FBN2: variants seen among roughly 807,000 people sequenced by gnomAD.
The protein encoded by FBN2 is fibrillin 2, also known as fibrillin-2.
In FBN2, 105 loss-of-function variants were observed where a neutral mutation model predicts 355.6. The ratio of observed to expected loss-of-function variants is 0.30; its 90% confidence interval spans 0.25 to 0.35. The LOEUF (loss-of-function observed/expected upper bound fraction) is 0.35. Ranked by LOEUF, FBN2 falls within the 10% of genes least tolerant of loss-of-function variation. FBN2 has a pLI of 1.00. For synonymous variants in FBN2, 1,350 were observed against 1,301.2 expected (o/e 1.04, Z -0.81); for missense variants, 3,280 against 3,758.7 (o/e 0.87, Z 3.33).
At position 128,274,627 on chromosome 5, in the gene FBN2, G is replaced by A. The variant is rs1435425444; in HGVS notation, c.7651C>T (p.Leu2551=). The change falls in exon 60 of 65, where the codon CTG becomes TTG. Residue 2551 remains leucine (L), a synonymous_variant. Transcript: ENST00000262464. The part of the protein sequence containing the change: ...HNCQFLCVNT[L]GGFTCKCPPG... ...GGACATTTACAGGTAAACCCCCCCAGGGTGTTGACACAGAGGAACTGGCAG... is the reference window on the plus strand; with the variant it reads ...GGACATTTACAGGTAAACCCCCCCAAGGTGTTGACACAGAGGAACTGGCAG... The A allele has an allele frequency of 6.2e-7, 1 of 1,613,488 alleles. No individual in the cohort carries two copies. Among genetic ancestry groups the A allele is most frequent in the Non-Finnish European group, 8.5e-7 (1 of 1,179,474 alleles).
In FBN2 at chr5:128,325,201, TG is replaced by T. The variant is rs570894940; in HGVS notation, c.4471+3494del. ...TCGTTGATCTGTCTAATATTGACAG[TG>T]GGGTGTTAAAGTCTCCCACTATTAT... is the stretch of plus-strand genomic sequence containing the variant. On this transcript the variant is annotated intron_variant, in intron 34 of 64. Coordinates refer to ENST00000262464, the MANE Select transcript of FBN2 (RefSeq NM_001999.4). 8.5e-4 allele frequency among the ~76,000 whole-genome samples: 130 copies of T among 152,252 alleles called. 2 individuals are homozygous for T. The highest frequency in any genetic ancestry group is 6.8e-3 in the Middle Eastern group (2 of 294).
rs1581170322 is a variant in FBN2 at position 128,259,704 on chromosome 5, G to A, written c.8490C>T (p.Asn2830=). The change falls in exon 65 of 65, where the codon AAC becomes AAT. Residue 2830 remains asparagine, a synonymous_variant. Transcript: ENST00000262464. ...ELRPAIQPLN[N]HIRYVISQGN... is the part of the protein sequence containing the mutation. ...CTTGAGAGATGACATAACGGATGTG[G>A]TTGTTGAGGGGCTGGATGGCGGGCC... is the stretch of plus-strand genomic sequence containing the variant. 1.2e-6 allele frequency: 2 copies of A among 1,613,994 alleles called. No individual in the cohort carries two copies. Among genetic ancestry groups the A allele is most frequent in the Non-Finnish European group, 1.7e-6 (2 of 1,179,950 alleles).
intron 6 of FBN2, among the ~76,000 whole-genome samples, chr5:128,452,963 G>A (rs1365138481): frequency 6.6e-6 from 1 of 152,026 alleles, no homozygotes; most frequent in Non-Finnish European, 1.5e-5. Context: ...ATACTCTGTA[G>A]ATATTCACAC....
At chr5:128,330,754 G>C in intron 32 of FBN2, 59 bp from the exon 33 acceptor site, 1 of 1,584,448 alleles carries the variant, frequency 6.3e-7, no homozygotes, top group Non-Finnish European at 8.7e-7. Flanking sequence ...CACCTGGAAA[G>C]ATTATCGTTT....
At chr5:128,369,425 A>T (rs1462199089) in intron 15 of FBN2, 91 bp from the exon 16 acceptor site, 3 of 1,277,388 alleles carry the variant, frequency 2.3e-6, no homozygotes, top group Non-Finnish European at 3.3e-6. Context: ...AGTGGCCACT[A>T]GACTGGAAGC....
intron 6 of FBN2, among the ~76,000 whole-genome samples, chr5:128,450,455 A>C (rs1421723059): frequency 6.6e-6 from 1 of 152,168 alleles, no homozygotes; most frequent in Non-Finnish European, 1.5e-5. Flanking sequence ...AAAGAAAAAA[A>C]ATCACATGGA....
chr5:128,527,004 A>C (rs2112797024), intron 4 of FBN2, among the ~76,000 whole-genome samples: 1 of 152,310 alleles, frequency 6.6e-6, no homozygotes, highest in South Asian at 2.1e-4. Flanking sequence ...TCTATGTTTA[A>C]AAAAGAGACC....
chr5:128,306,270 G>A (rs1749873635), intron 42 of FBN2, among the ~76,000 whole-genome samples: 1 of 152,090 alleles, frequency 6.6e-6, no homozygotes, highest in Non-Finnish European at 1.5e-5. Context: ...AAAAAGCTAT[G>A]TTTTCATCAT....
intron 20 of FBN2, among the ~76,000 whole-genome samples, chr5:128,355,781 A>T (rs973010796): frequency 6.6e-6 from 1 of 152,252 alleles, no homozygotes; most frequent in East Asian, 1.9e-4. Flanking sequence ...CTACACTGGG[A>T]TATTCAAATT....
intron 7 of FBN2, among the ~76,000 whole-genome samples, chr5:128,434,406 A>ATGTGTG (rs1344667744): frequency 9.5e-6 from 1 of 105,176 alleles, no homozygotes; most frequent in African/African-American, 3.7e-5. Context: ...ATATATATAT[A>ATGTGTG]TATATATATA....
intron 7 of FBN2, among the ~76,000 whole-genome samples, chr5:128,441,205 T>C (rs562183742): frequency 1.3e-5 from 2 of 152,314 alleles, no homozygotes; most frequent in South Asian, 4.1e-4. Flanking sequence ...ATCTTTAAAC[T>C]GGATCTACTT....
rs1002579013 is a variant in FBN2, at chr5:128,527,761, T to C, written c.532+111A>G. 4.3e-5 allele frequency: 32 copies of C among 752,080 alleles called. No homozygotes were observed. In the Admixed American group the frequency reaches 6.7e-4, roughly 16 times the overall value. 46.6% of individuals were successfully genotyped at this position (752,080 alleles called of 1,614,324 possible). On this transcript the variant is annotated intron_variant, in intron 4 of 64. Transcript: ENST00000262464. The stretch of plus-strand genomic sequence containing the variant: ...AATTCAGTTTTAAGGTATGGTTTAC[T>C]ACATAAAATTGTTTTTTCAAAAGAT...
At chr5:128,436,359 C>T (rs1171890249) in intron 7 of FBN2, among the ~76,000 whole-genome samples, 2 of 152,134 alleles carry the variant, frequency 1.3e-5, no homozygotes, top group Non-Finnish European at 2.9e-5. Flanking sequence ...TGCTAGTATG[C>T]CCTTCCCAAA....
intron 27 of FBN2, among the ~76,000 whole-genome samples, chr5:128,337,708 C>T (rs1750882965): frequency 6.6e-6 from 1 of 152,106 alleles, no homozygotes; most frequent in African/African-American, 2.4e-5. Flanking sequence ...CCCATTTTTT[C>T]CTAATGGAGG....
intron 5 of FBN2, among the ~76,000 whole-genome samples, chr5:128,507,055 T>C (rs1755982207): frequency 1.3e-5 from 2 of 152,120 alleles, no homozygotes; most frequent in Admixed American, 1.3e-4. Context: ...TGTCTTTTTC[T>C]GGTTTTGGTA....
chr5:128,268,475 A>C (rs747959817), intron 62 of FBN2, among the ~76,000 whole-genome samples: 11 of 152,200 alleles, frequency 7.2e-5, no homozygotes, highest in Non-Finnish European at 1.6e-4. Context: ...ATTCCTTCTG[A>C]AACTATTCCA....
intron 5 of FBN2, among the ~76,000 whole-genome samples, chr5:128,470,769 G>A (rs933211125): frequency 6.6e-6 from 1 of 151,988 alleles, no homozygotes; most frequent in Admixed American, 6.5e-5. Flanking sequence ...TACATCAGCT[G>A]CCCATGTGGC....
chr5:128,520,294 A>G (rs2112789062), intron 4 of FBN2, among the ~76,000 whole-genome samples: 1 of 152,298 alleles, frequency 6.6e-6, no homozygotes, highest in South Asian at 2.1e-4. Flanking sequence ...AAGTATTCCC[A>G]TGATCCATAA....
At position 128,537,979 on chromosome 5, in the gene FBN2, A is replaced by T. The variant is rs188043940; in HGVS notation, c.-376T>A. 4.5e-5 allele frequency: 13 copies of T among 291,380 alleles called. No homozygotes were observed. The highest frequency in any genetic ancestry group is 7.7e-5 in the Non-Finnish European group (12 of 156,862). The allele number at this position is 291,380 out of a possible 1,614,324, so 18.0% of individuals were successfully genotyped here. On this transcript the variant is annotated 5_prime_UTR_variant, in exon 1 of 65. Coordinates refer to ENST00000262464, the MANE Select transcript of FBN2 (RefSeq NM_001999.4). ...TTTCAAAAAATGTGAACCTCAAAAG[A>T]AAAAAGGGCCTGCACGCAGAGCTCG...
Sources: allele counts gnomAD v4.1 joint callset (sites outside exome capture counted in the v4.1 genomes callset), GRCh38; gene constraint gnomAD v4.1.1; transcripts MANE v1.5; gene names NCBI Gene and HGNC (gene_info 2026-07-23, HGNC 2026-07-21).